Variants in ROBO1 observed in about 807,000 individuals in gnomAD.
ROBO1 encodes the protein roundabout guidance receptor 1, also known as roundabout homolog 1.
A neutral mutation model predicts 195.9 loss-of-function variants in ROBO1; 149 were observed. The observed-to-expected ratio is 0.76, with a 90% CI of 0.67 to 0.87. The LOEUF (loss-of-function observed/expected upper bound fraction) is 0.87, where lower values mean the gene tolerates loss of function less well. Among genes scored for constraint, ROBO1 ranks in the 40% least tolerant of loss-of-function variants. The probability of loss-of-function intolerance (pLI) is 0.00; values close to 1 mark genes in which losing one functional copy is unlikely to be tolerated. For synonymous variants in ROBO1, 816 were observed against 733.2 expected (o/e 1.11, Z -1.82); for missense variants, 1,933 against 2,068.3 (o/e 0.93, Z 1.27).
intron 2 of ROBO1, among the ~76,000 whole-genome samples, chr3:79,547,403 A>C (rs570067793): frequency 6.6e-6 from 1 of 152,152 alleles, no homozygotes; most frequent in South Asian, 2.1e-4. Context: ...AAGATGATTG[A>C]ACATAGAACA....
chr3:79,624,221 T>G (rs1945096271), intron 1 of ROBO1, among the ~76,000 whole-genome samples: 1 of 151,928 alleles, frequency 6.6e-6, no homozygotes, highest in African/African-American at 2.4e-5. Flanking sequence ...AAGGAAAAAC[T>G]GGTACCAACC....
intron 8 of ROBO1, among the ~76,000 whole-genome samples, chr3:78,696,400 G>A (rs1003673587): frequency 3.9e-5 from 6 of 151,988 alleles, no homozygotes; most frequent in Admixed American, 6.6e-5. Context: ...TTTTGCATGA[G>A]AAAACAGAAA....
intron 11 of ROBO1, among the ~76,000 whole-genome samples, chr3:78,669,309 G>A (rs1169693425): frequency 6.6e-6 from 1 of 152,170 alleles, no homozygotes; most frequent in East Asian, 1.9e-4. Context: ...CAGGAACCAA[G>A]TCACAACAGT....
At chr3:79,153,254 C>A (rs1453215061) in intron 2 of ROBO1, among the ~76,000 whole-genome samples, 1 of 151,690 alleles carries the variant, frequency 6.6e-6, no homozygotes, top group African/African-American at 2.4e-5. Flanking sequence ...AAGGCTTAGT[C>A]GCTTAACCCT....
At chr3:78,687,977 A>G (rs1021413203) in intron 9 of ROBO1, among the ~76,000 whole-genome samples, 1 of 152,192 alleles carries the variant, frequency 6.6e-6, no homozygotes, top group African/African-American at 2.4e-5. Flanking sequence ...AGATGAGACA[A>G]AAATATATTT....
Position 79,484,755 on chromosome 3 carries a change from C to CTTTTTTTTTTTTTTTTTTTTTTTTT in ROBO1, c.88+105068_88+105069insAAAAAAAAAAAAAAAAAAAAAAAAA, listed in dbSNP as rs1158213253. ...TTATACACCACTATCATTGCACTAT[C>CTTTTTTTTTTTTTTTTTTTTTTTTT]TTTTTTTTTTTTTTTTTGAGACAGA... On this transcript the variant is annotated intron_variant, in intron 2 of 30. Transcript: ENST00000464233. Among the ~76,000 whole-genome samples, 445 of 66,880 alleles carry CTTTTTTTTTTTTTTTTTTTTTTTTT rather than the reference C, an allele frequency of 6.7e-3. 159 individuals are homozygous for CTTTTTTTTTTTTTTTTTTTTTTTTT. The highest frequency in any genetic ancestry group is 7.2e-3 in the South Asian group (9 of 1,254). 43.9% of individuals were successfully genotyped at this position (66,880 alleles called of 152,430 possible).
At chr3:79,461,912 TA>T (rs997294647) in intron 2 of ROBO1, among the ~76,000 whole-genome samples, 14 of 152,150 alleles carry the variant, frequency 9.2e-5, no homozygotes, top group African/African-American at 3.1e-4. Context: ...GAATTTTTCC[TA>T]AAAAACAATC....
At chr3:79,442,147 C>G (rs1209003925) in intron 2 of ROBO1, among the ~76,000 whole-genome samples, 1 of 152,088 alleles carries the variant, frequency 6.6e-6, no homozygotes, top group Non-Finnish European at 1.5e-5. Flanking sequence ...TAAATGTAAG[C>G]AATCTGTCCT....
At chr3:78,745,648 C>T (rs1171178527) in intron 5 of ROBO1, among the ~76,000 whole-genome samples, 1 of 152,180 alleles carries the variant, frequency 6.6e-6, no homozygotes, top group East Asian at 1.9e-4. Context: ...TGTGACTCTG[C>T]AGCACCTCTT....
intron 2 of ROBO1, among the ~76,000 whole-genome samples, chr3:79,241,710 AT>A (rs2082521757): frequency 6.7e-6 from 1 of 149,882 alleles, no homozygotes; most frequent in South Asian, 2.1e-4. Flanking sequence ...TAATAACAAT[AT>A]TTATATAAAT....
At chr3:79,137,854 G>A (rs2080442415) in intron 2 of ROBO1, among the ~76,000 whole-genome samples, 2 of 151,962 alleles carry the variant, frequency 1.3e-5, no homozygotes, top group Admixed American at 6.6e-5. Flanking sequence ...CAAACAATGG[G>A]ACACCAGGTT....
At chr3:79,319,672 T>C (rs936526615) in intron 2 of ROBO1, among the ~76,000 whole-genome samples, 1 of 152,050 alleles carries the variant, frequency 6.6e-6, no homozygotes, top group Non-Finnish European at 1.5e-5. Flanking sequence ...CATATGAAAA[T>C]ATTAAAAATG....
At chr3:79,598,371 G>A (rs1944243060) in intron 1 of ROBO1, among the ~76,000 whole-genome samples, 2 of 151,892 alleles carry the variant, frequency 1.3e-5, no homozygotes, top group South Asian at 4.1e-4. Flanking sequence ...TAGCATTTTG[G>A]CAAATAGAGC....
chr3:78,967,472 T>G (rs891425721), intron 3 of ROBO1, among the ~76,000 whole-genome samples: 1 of 152,026 alleles, frequency 6.6e-6, no homozygotes, highest in Admixed American at 6.6e-5. Context: ...TTGCCTCACA[T>G]CCATCTAACA....
intron 1 of ROBO1, among the ~76,000 whole-genome samples, chr3:79,708,527 C>T (rs1281940795): frequency 6.6e-6 from 1 of 152,024 alleles, no homozygotes; most frequent in Non-Finnish European, 1.5e-5. Context: ...TAAAATTTTG[C>T]CTCCTCTACA....
intron 2 of ROBO1, among the ~76,000 whole-genome samples, chr3:79,328,246 G>A (rs979900738): frequency 1.3e-5 from 2 of 152,050 alleles, no homozygotes; most frequent in African/African-American, 4.8e-5. Context: ...TTAAAACAGA[G>A]CCAGCTGTAT....
intron 10 of ROBO1, among the ~76,000 whole-genome samples, chr3:78,685,264 C>G (rs1240792622): frequency 1.3e-5 from 2 of 151,970 alleles, no homozygotes; most frequent in Non-Finnish European, 2.9e-5. Flanking sequence ...GCACTGTGTC[C>G]TTACAATAGG....
chr3:78,874,497 A>G (rs914798833), intron 4 of ROBO1, among the ~76,000 whole-genome samples: 9 of 151,924 alleles, frequency 5.9e-5, no homozygotes, highest in African/African-American at 2.2e-4. Context: ...TAATACATAT[A>G]TTATAGTTAC....
chr3:78,840,758 A>G (rs1306084616), intron 4 of ROBO1, among the ~76,000 whole-genome samples: 1 of 152,136 alleles, frequency 6.6e-6, no homozygotes, highest in African/African-American at 2.4e-5. Context: ...CTACTAATGA[A>G]ATTATCAAAA....
Sources: gnomAD v4.1 joint callset for allele counts (sites outside exome capture counted in the v4.1 genomes callset) on GRCh38, gnomAD v4.1.1 for gene constraint, MANE v1.5 for transcripts, NCBI Gene and HGNC (gene_info 2026-07-23, HGNC 2026-07-21) for gene names.